ABLIM2: variants seen among roughly 807,000 people sequenced by gnomAD.
ABLIM2 encodes actin-binding LIM protein 2.
In ABLIM2, 53 loss-of-function variants were observed where a neutral mutation model predicts 97.7. The ratio of observed to expected loss-of-function variants is 0.54; its 90% CI spans 0.44 to 0.68. ABLIM2 has a LOEUF of 0.68. Ranked by LOEUF, ABLIM2 falls within the 30% of genes least tolerant of loss-of-function variation. ABLIM2 has a pLI of 0.00. For missense variants in ABLIM2, 835 were observed against 867.2 expected (o/e 0.96, Z 0.47); for synonymous variants, 361 against 345.8 (o/e 1.04, Z -0.49).
rs560088262 is a variant in ABLIM2 at position 8,067,611 on chromosome 4, T to A, written c.676-6557A>T. On this transcript the variant is annotated intron_variant, in intron 6 of 20. Coordinates refer to ENST00000447017, the MANE Select transcript of ABLIM2 (RefSeq NM_001130083.2). This position sits in a 1 kb window ranked among gnomAD's most constrained non-coding sequence, Gnocchi z 5.4. Reference sequence around the variant, plus strand: ...AAGGACGCTCCATGTTCTGGAACAATCCACCCATGGTGGAGGGGCAGGGCT... The same window carrying A: ...AAGGACGCTCCATGTTCTGGAACAAACCACCCATGGTGGAGGGGCAGGGCT... 14 of 152,414 alleles carry A rather than the reference T, an allele frequency of 9.2e-5. No individual in the cohort carries two copies. The highest frequency in any genetic ancestry group is 3.1e-4 in the African/African-American group (13 of 41,584). The allele number at this position is 152,414 out of a possible 1,614,324, so 9.4% of individuals were successfully genotyped here.
intron 1 of ABLIM2, among the ~76,000 whole-genome samples, chr4:8,116,529 T>G (rs1311744661): frequency 6.6e-6 from 1 of 152,202 alleles, no homozygotes; most frequent in Non-Finnish European, 1.5e-5. Flanking sequence ...TAAATGCATT[T>G]GCACACCATG....
At position 8,054,099 on chromosome 4, in the gene ABLIM2, G is replaced by T; in HGVS notation, c.822+89C>A. 2 of 1,463,644 alleles carry T rather than the reference G, an allele frequency of 1.4e-6. No homozygotes were observed. Among genetic ancestry groups the T allele is most frequent in the Non-Finnish European group, 1.9e-6 (2 of 1,045,700 alleles). 90.7% of individuals were successfully genotyped at this position (1,463,644 alleles called of 1,614,324 possible). ...GCCCGTGGGACTGGACAATGAGCCT[G>T]TAGAATCTGGTCAGTGTCCTCTTAA... On this transcript the variant is annotated intron_variant, in intron 8 of 20. Transcript: ENST00000447017. The surrounding 1 kb of genome is among the most constrained non-coding windows in gnomAD (Gnocchi z 4.9).
chr4:7,989,369 T>A (rs575509282), intron 17 of ABLIM2: 1 of 982,262 alleles, frequency 1.0e-6, no homozygotes, highest in African/African-American at 1.7e-5. Flanking sequence ...CTGAACCACT[T>A]TGCCTGGCCC....
chr4:8,112,011 A>G lies in ABLIM2; in HGVS notation c.11-5374T>C, dbSNP rs1456668433. Among the ~76,000 whole-genome samples the G allele has an allele frequency of 6.6e-6, 1 of 152,228 alleles. No individual in the cohort carries two copies. Among genetic ancestry groups the G allele is most frequent in the Non-Finnish European group, 1.5e-5 (1 of 68,046 alleles). ...CACTGCAGTTTCAAGATTGGCTCCA[A>G]TAATTTGGCTTAACAAGTCTCTAAC... On this transcript the variant is annotated intron_variant, in intron 1 of 20. Transcript: ENST00000447017. The surrounding 1 kb of genome is among the most constrained non-coding windows in gnomAD (Gnocchi z 4.2).
chr4:8,006,929 G>A (rs555619668), intron 16 of ABLIM2: 1 of 733,390 alleles, frequency 1.4e-6, no homozygotes, highest in South Asian at 6.2e-5. Context: ...TGAATGCTGG[G>A]ATCCTGGTAT....
chr4:8,047,274 G>C (rs535875097), intron 8 of ABLIM2, among the ~76,000 whole-genome samples: 2 of 152,244 alleles, frequency 1.3e-5, no homozygotes, highest in South Asian at 4.1e-4. Flanking sequence ...CTCTGCACTC[G>C]CCTCCGCTCC....
intron 8 of ABLIM2, among the ~76,000 whole-genome samples, chr4:8,049,243 G>A (rs192895581): frequency 1.4e-4 from 21 of 152,354 alleles, no homozygotes; most frequent in Non-Finnish European, 2.4e-4. Context: ...CACACAGTAG[G>A]TGCTTCGTGG....
intron 1 of ABLIM2, among the ~76,000 whole-genome samples, chr4:8,116,825 A>T (rs1168157479): frequency 1.4e-5 from 2 of 141,296 alleles, no homozygotes; most frequent in Non-Finnish European, 1.6e-5. Flanking sequence ...TCCAAAAAAA[A>T]TACTAGGTCC....
Position 8,133,628 on chromosome 4 carries a change from G to A in ABLIM2, c.10+25052C>T, listed in dbSNP as rs536306771. 1.3e-3 allele frequency among the ~76,000 whole-genome samples: 198 copies of A among 152,272 alleles called. 1 individual carries two copies. Among genetic ancestry groups the A allele is most frequent in the African/African-American group, 4.3e-3 (179 of 41,552 alleles). Reference sequence around the variant, plus strand: ...CCCAGCCCGGCTGGAGCTCCTCCCCGGGTCCCGCTCTCCTCGCCCCTCACC... The same window carrying A: ...CCCAGCCCGGCTGGAGCTCCTCCCCAGGTCCCGCTCTCCTCGCCCCTCACC... On this transcript the variant is annotated intron_variant, in intron 1 of 20. Coordinates refer to ENST00000447017, the MANE Select transcript of ABLIM2 (RefSeq NM_001130083.2).
At chr4:8,050,377 G>A (rs1288893310) in intron 8 of ABLIM2, among the ~76,000 whole-genome samples, 1 of 152,226 alleles carries the variant, frequency 6.6e-6, no homozygotes, top group Non-Finnish European at 1.5e-5. Context: ...AGAATAGTGA[G>A]TGCTCCCTCC....
Position 8,082,470 on chromosome 4 carries a change from G to A in ABLIM2, c.455-1668C>T, listed in dbSNP as rs746532434. Reference sequence around the variant, plus strand: ...CCCCTGTGGGCCTGCTGTGCGGTGAGAGCTCAGCAGAGGCTGCTTCCCTGC... The same window carrying A: ...CCCCTGTGGGCCTGCTGTGCGGTGAAAGCTCAGCAGAGGCTGCTTCCCTGC... On this transcript the variant is annotated intron_variant, in intron 4 of 20. Coordinates refer to ENST00000447017, the MANE Select transcript of ABLIM2 (RefSeq NM_001130083.2). The surrounding 1 kb of genome is among the most constrained non-coding windows in gnomAD (Gnocchi z 5.6). Among the ~76,000 whole-genome samples, 111 of 152,246 alleles carry A rather than the reference G, an allele frequency of 7.3e-4. No homozygotes were observed. The highest frequency in any genetic ancestry group is 1.5e-3 in the Non-Finnish European group (101 of 68,048).
In ABLIM2 at chr4:8,077,733, C is replaced by T. The variant is rs1462254786; in HGVS notation, c.582-12G>A. The stretch of plus-strand genomic sequence containing the variant: ...AGGGCAGCCCATCCCTGCAATGAGA[C>T]AGGCAGTCAACACAGGGCGGGTGTC... On this transcript the variant is annotated splice_polypyrimidine_tract_variant and intron_variant, in intron 5 of 20. Transcript: ENST00000447017. 2 of 1,607,286 alleles carry T rather than the reference C, an allele frequency of 1.2e-6. No homozygotes were observed. The highest frequency in any genetic ancestry group is 2.2e-5 in the East Asian group (1 of 44,682).
rs144908968 is a variant in ABLIM2, at chr4:8,044,752, C to T, written c.900+412G>A. Among the ~76,000 whole-genome samples, 18 of 152,192 alleles carry T rather than the reference C, an allele frequency of 1.2e-4. No homozygotes were observed. The highest frequency in any genetic ancestry group is 3.1e-4 in the African/African-American group (13 of 41,512). On this transcript the variant is annotated intron_variant, in intron 9 of 20. Transcript: ENST00000447017. This position sits in a 1 kb window ranked among gnomAD's most constrained non-coding sequence, Gnocchi z 4.4. Reference sequence around the variant, plus strand: ...CCCTTAACTTGCTTCTTTTAGGGAACACGCTGGGAGAGCGTGCGTGTTGAT... The same window carrying T: ...CCCTTAACTTGCTTCTTTTAGGGAATACGCTGGGAGAGCGTGCGTGTTGAT...
intron 14 of ABLIM2, among the ~76,000 whole-genome samples, chr4:8,010,217 G>T (rs1764033562): frequency 6.6e-6 from 1 of 152,218 alleles, no homozygotes; most frequent in African/African-American, 2.4e-5. Flanking sequence ...CAGCTGGGCT[G>T]ACATTTCCAG....
intron 1 of ABLIM2, among the ~76,000 whole-genome samples, chr4:8,111,587 T>C (rs1462925428): frequency 6.6e-6 from 1 of 152,196 alleles, no homozygotes; most frequent in African/African-American, 2.4e-5. Flanking sequence ...CTGTGTCTTA[T>C]CTAGAAACCA....
intron 8 of ABLIM2, among the ~76,000 whole-genome samples, chr4:8,051,549 C>A (rs1305347042): frequency 8.3e-6 from 1 of 120,230 alleles, no homozygotes; most frequent in Non-Finnish European, 1.6e-5. Flanking sequence ...GAAGACAGAG[C>A]GAGATTCCAT....
chr4:7,998,815 C>T lies in ABLIM2; in HGVS notation c.1619-5888G>A, dbSNP rs554687784. 1.3e-5 allele frequency among the ~76,000 whole-genome samples: 2 copies of T among 152,324 alleles called. No individual in the cohort carries two copies. The highest frequency in any genetic ancestry group is 2.9e-5 in the Non-Finnish European group (2 of 68,028). On this transcript the variant is annotated intron_variant, in intron 16 of 20. Transcript: ENST00000447017. This position sits in a 1 kb window ranked among gnomAD's most constrained non-coding sequence, Gnocchi z 6.4. ...GCTGCTGTCCCTTGAGGTCCCGAGG[C>T]TGCCTCGCCAGGCCACTTTGCTGTT...
At chr4:8,092,847 AT>A (rs1167164354) in intron 3 of ABLIM2, among the ~76,000 whole-genome samples, 1 of 151,952 alleles carries the variant, frequency 6.6e-6, no homozygotes, top group Non-Finnish European at 1.5e-5. Context: ...TCTTTTGTCC[AT>A]TTTTTTAAAA....
At chr4:8,135,614 TG>T (rs980982762) in intron 1 of ABLIM2, among the ~76,000 whole-genome samples, 3 of 152,260 alleles carry the variant, frequency 2.0e-5, no homozygotes. Flanking sequence ...TGCCTTCATC[TG>T]GGACCTCCAG....
Sources: allele counts gnomAD v4.1 joint callset (sites outside exome capture counted in the v4.1 genomes callset), GRCh38; gene constraint gnomAD v4.1.1; non-coding constraint Gnocchi (gnomAD v3.1); transcripts MANE v1.5; gene names NCBI Gene and HGNC (gene_info 2026-07-23, HGNC 2026-07-21).